Variants in COL2A1 observed in about 807,000 individuals in gnomAD.
The protein encoded by COL2A1 is collagen alpha-1(II) chain.
In COL2A1, 28 loss-of-function variants were observed where a neutral mutation model predicts 204.5. The ratio of observed to expected loss-of-function variants is 0.14; its 90% CI spans 0.10 to 0.19. The LOEUF (loss-of-function observed/expected upper bound fraction) is 0.19, where lower values mean the gene tolerates loss of function less well. Among genes scored for constraint, COL2A1 ranks in the 10% least tolerant of loss-of-function variants. The pLI is 1.00. For missense variants in COL2A1, 1,388 were observed against 2,027.5 expected (o/e 0.68, Z 6.06); for synonymous variants, 708 against 718.7 (o/e 0.99, Z 0.24).
Position 47,974,650 on chromosome 12 carries a change from T to C in COL2A1, c.4074+25A>G, listed in dbSNP as rs1307356128. ...GAGTTTGAGGAGCCATCTCTGCTCA[T>C]CATCTAGGGCACCCAGGTACTCACA... On this transcript the variant is annotated intron_variant, in intron 52 of 53. Transcript: ENST00000380518. The C allele has an allele frequency of 2.5e-6, 4 of 1,612,738 alleles. No homozygotes were observed. The African/African-American group carries it at 4.0e-5, about 16-fold the overall frequency.
chr12:47,978,549 A>G lies in COL2A1; in HGVS notation c.2895+48T>C, dbSNP rs1938857994. ...TGCTCTGTGAGCTCAGAAGCCACTCACGACCCTGCTCCCAGGGACCTTGGC... is the reference window on the plus strand; with the variant it reads ...TGCTCTGTGAGCTCAGAAGCCACTCGCGACCCTGCTCCCAGGGACCTTGGC... On this transcript the variant is annotated intron_variant, in intron 42 of 53. Coordinates refer to ENST00000380518, the MANE Select transcript of COL2A1 (RefSeq NM_001844.5). This position sits in a 1 kb window ranked among gnomAD's most constrained non-coding sequence, Gnocchi z 5.5. 2 of 1,611,612 alleles carry G rather than the reference A, an allele frequency of 1.2e-6. No homozygotes were observed. The highest frequency in any genetic ancestry group is 1.7e-5 in the Admixed American group (1 of 59,896).
In COL2A1 at chr12:47,985,891, A is replaced by G. The variant is rs753920368; in HGVS notation, c.1581+21T>C. ...CCTCAGCGATGCAGGGAGGGACCCC[A>G]GCCCCTCTTCTCCCACTCACCTTGG... On this transcript the variant is annotated intron_variant, in intron 24 of 53. Transcript: ENST00000380518. 6 of 1,558,696 alleles carry G rather than the reference A, an allele frequency of 3.8e-6. No homozygotes were observed. The Admixed American group carries it at 1.1e-4, about 30-fold the overall frequency.
In COL2A1 at chr12:47,987,088, T is replaced by G. The variant is rs751554148; in HGVS notation, c.1355A>C (p.Lys452Thr). Residue 452 changes from lysine to threonine, a missense_variant, in exon 21 of 54, where the codon AAA (lysine) becomes ACA (threonine). Lys to Thr is a moderately conservative substitution (Grantham distance 78). Coordinates refer to ENST00000380518, the MANE Select transcript of COL2A1 (RefSeq NM_001844.5). The surrounding 1 kb of genome is among the most constrained non-coding windows in gnomAD (Gnocchi z 4.1). ...ACTTTGGGCTCTTACCGTCTGACCTTTCGGGCCCAGAGGACCAGTTGCACC... is the reference window on the plus strand; with the variant it reads ...ACTTTGGGCTCTTACCGTCTGACCTGTCGGGCCCAGAGGACCAGTTGCACC... ...PQGATGPLGP[K>T]GQTGEPGIAG... 1 of 1,614,042 alleles carries G rather than the reference T, an allele frequency of 6.2e-7. No individual in the cohort carries two copies. The highest frequency in any genetic ancestry group is 8.5e-7 in the Non-Finnish European group (1 of 1,179,984).
At chr12:47,981,092 G>A in intron 37 of COL2A1, 124 bp from the exon 38 acceptor site, 2 of 1,068,286 alleles carry the variant, frequency 1.9e-6, no homozygotes, top group Non-Finnish European at 2.7e-6. Flanking sequence ...TCTGAAAGCA[G>A]CCTTAGTCCT....
chr12:48,004,224 G>A lies in COL2A1; in HGVS notation c.85+13C>T. 1 of 1,537,448 alleles carries A rather than the reference G, an allele frequency of 6.5e-7. No homozygotes were observed. Among genetic ancestry groups the A allele is most frequent in the Non-Finnish European group, 8.8e-7 (1 of 1,134,760 alleles). On this transcript the variant is annotated intron_variant, in intron 1 of 53. Transcript: ENST00000380518. ...GAAAGCAGGCAGGCAGGCAGGGGCG[G>A]GGGAAGACTTACGGACATCCTGGCC...
At chr12:47,983,243 T>C in intron 31 of COL2A1, 106 bp from the exon 32 acceptor site, 1 of 1,500,184 alleles carries the variant, frequency 6.7e-7, no homozygotes, top group East Asian at 2.4e-5. Flanking sequence ...GGGGATTGTG[T>C]CATCTGTGGA....
At position 47,986,013 on chromosome 12, in the gene COL2A1, C is replaced by A. The variant is rs939124143; in HGVS notation, c.1528-48G>T. The A allele has an allele frequency of 2.0e-6, 3 of 1,536,378 alleles. No individual in the cohort carries two copies. The African/African-American group carries it at 4.1e-5, about 21-fold the overall frequency. Reference sequence around the variant, plus strand: ...GGCAGTGAGTGAGAACAGCCCCAACCCAGCCAGGCTCCAGTGGGTCCATCC... The same window carrying A: ...GGCAGTGAGTGAGAACAGCCCCAACACAGCCAGGCTCCAGTGGGTCCATCC... On this transcript the variant is annotated intron_variant, in intron 23 of 53. Coordinates refer to ENST00000380518, the MANE Select transcript of COL2A1 (RefSeq NM_001844.5).
chr12:47,996,049 G>T, intron 8 of COL2A1, 130 bp from the exon 9 acceptor site: 1 of 731,880 alleles, frequency 1.4e-6, no homozygotes, highest in Non-Finnish European at 2.4e-6. Context: ...GGCCTAGAGT[G>T]GCTGCTCCCT....
chr12:47,984,745 G>T, intron 27 of COL2A1, 146 bp from the exon 28 acceptor site: 1 of 830,990 alleles, frequency 1.2e-6, no homozygotes, highest in South Asian at 1.4e-5. Context: ...TTCTGTTCAG[G>T]GGCCATAATG....
rs199807767 is a variant in COL2A1 at position 47,995,235 on chromosome 12, G to T, written c.762+20C>A. The stretch of plus-strand genomic sequence containing the variant: ...TTTCAAAGGAGGCAGCTCCTCATTT[G>T]TCTACTCGTGTATACTCACATCATC... On this transcript the variant is annotated intron_variant, in intron 11 of 53. Coordinates refer to ENST00000380518, the MANE Select transcript of COL2A1 (RefSeq NM_001844.5). The T allele has an allele frequency of 1.1e-4, 182 of 1,607,872 alleles. 1 individual carries two copies. In the East Asian group the frequency reaches 2.5e-3, roughly 22 times the overall value.
At position 47,977,420 on chromosome 12, in the gene COL2A1, C is replaced by T. The variant is rs774603840; in HGVS notation, c.3173G>A (p.Arg1058His). The T allele has an allele frequency of 1.6e-5, 26 of 1,612,502 alleles. No individual in the cohort carries two copies. Among genetic ancestry groups the T allele is most frequent in the Middle Eastern group, 1.6e-4 (1 of 6,084 alleles). ...RDGAAGVKGD[R>H]GETGAVGAPG... ...AGCTCCCACAGCACCAGTCTCACCACGATCACCCTGTCAGGAGAGAGGTCT... is the reference window on the plus strand; with the variant it reads ...AGCTCCCACAGCACCAGTCTCACCATGATCACCCTGTCAGGAGAGAGGTCT... Residue 1058 changes from arginine to histidine, a missense_variant, in exon 46 of 54, where the codon CGT (arginine) becomes CAT (histidine). Arg to His is a conservative substitution (Grantham distance 29, BLOSUM62 0). Coordinates refer to ENST00000380518, the MANE Select transcript of COL2A1 (RefSeq NM_001844.5).
At chr12:47,994,384 G>C (rs745829863) in intron 12 of COL2A1, 40 bp downstream of exon 12, 1 of 1,611,430 alleles carries the variant, frequency 6.2e-7, no homozygotes, top group Non-Finnish European at 8.5e-7. Flanking sequence ...GGAGGGAGAC[G>C]CTAGGAAAGA....
In COL2A1 at chr12:47,980,047, T is replaced by C. The variant is rs1370767780; in HGVS notation, c.2641A>G (p.Thr881Ala). 1 of 1,555,080 alleles carries C rather than the reference T, an allele frequency of 6.4e-7. No individual in the cohort carries two copies. The highest frequency in any genetic ancestry group is 8.7e-7 in the Non-Finnish European group (1 of 1,149,300). The change falls in exon 40 of 54, where the codon ACT (threonine) becomes GCT (alanine). Residue 881 changes from threonine to alanine, a missense_variant. By Grantham distance (58) the Thr-to-Ala change is moderately conservative. Transcript: ENST00000380518. The surrounding 1 kb of genome is among the most constrained non-coding windows in gnomAD (Gnocchi z 4.5). Reference protein sequence around the residue: ...APGPQGPTGVTGPKGARGAQG... With the variant: ...APGPQGPTGVAGPKGARGAQG... The stretch of plus-strand genomic sequence containing the variant: ...GCACCTCGGGCTCCTTTAGGACCAG[T>C]CACTCCAGTAGGACCCTGGAAAGGA...
rs916625019 is a variant in COL2A1 at position 47,975,215 on chromosome 12, C to G, written c.3886+102G>C. The G allele has an allele frequency of 4.1e-6, 6 of 1,450,404 alleles. No individual in the cohort carries two copies. The African/African-American group carries it at 8.4e-5, about 20-fold the overall frequency. 89.8% of individuals were successfully genotyped at this position (1,450,404 alleles called of 1,614,324 possible). A position where few individuals can be genotyped will look rare whatever the true frequency, so the allele number is the denominator to read the frequency against. On this transcript the variant is annotated intron_variant, in intron 51 of 53. Coordinates refer to ENST00000380518, the MANE Select transcript of COL2A1 (RefSeq NM_001844.5). Reference sequence around the variant, plus strand: ...GAACCCTCTGGCGGAAACTTCCAGGCCCAGCTCTGCCCTGTACTAGGGGGC... The same window carrying G: ...GAACCCTCTGGCGGAAACTTCCAGGGCCAGCTCTGCCCTGTACTAGGGGGC...
chr12:47,986,963 A>G, intron 21 of COL2A1, 75 bp from the exon 22 acceptor site: 2 of 1,598,222 alleles, frequency 1.3e-6, no homozygotes. Flanking sequence ...CCTGTTCAAG[A>G]TGCCCTCGGA....
chr12:47,973,531 T>C lies in COL2A1; in HGVS notation c.4340A>G (p.Lys1447Arg), dbSNP rs1443585376. 1 of 1,614,142 alleles carries C rather than the reference T, an allele frequency of 6.2e-7. No homozygotes were observed. The highest frequency in any genetic ancestry group is 1.6e-4 in the Middle Eastern group (1 of 6,062). ...GCTKHTGKWG[K>R]TVIEYRSQKT... Reference sequence around the variant, plus strand: ...CTGTGACCGGTACTCGATAACAGTCTTGCCCCACTTACCGGTATGTTTCTA... The same window carrying C: ...CTGTGACCGGTACTCGATAACAGTCCTGCCCCACTTACCGGTATGTTTCTA... The change falls in exon 54 of 54, where the codon AAG becomes AGG. Residue 1447 changes from lysine to arginine, a missense_variant. Around this residue, in one of 3 missense-constraint regions of COL2A1, gnomAD observed 303 missense variants for 369.2 expected, o/e 0.82. Transcript: ENST00000380518.
chr12:47,984,304 G>A (rs957180031), intron 28 of COL2A1, among the ~76,000 whole-genome samples, 164 bp from the exon 29 acceptor site: 9 of 152,136 alleles, frequency 5.9e-5, no homozygotes, highest in South Asian at 2.1e-4. Flanking sequence ...CCCAGGCCCC[G>A]TCTTTTCTTA....
rs372919701 is a variant in COL2A1 at position 47,975,930 on chromosome 12, C to A, written c.3597+33G>T. 2.6e-6 allele frequency: 4 copies of A among 1,531,556 alleles called. No homozygotes were observed. In the South Asian group the frequency reaches 4.5e-5, roughly 17 times the overall value. The allele number at this position is 1,531,556 out of a possible 1,614,324, so 94.9% of individuals were successfully genotyped here. On this transcript the variant is annotated intron_variant, in intron 50 of 53. Coordinates refer to ENST00000380518, the MANE Select transcript of COL2A1 (RefSeq NM_001844.5). Reference sequence around the variant, plus strand: ...TCAAGCCTCCCGGATGGTAGGGACACCTCGACAGCAGGGAAGGAGTCAGGA... The same window carrying A: ...TCAAGCCTCCCGGATGGTAGGGACAACTCGACAGCAGGGAAGGAGTCAGGA...
chr12:47,989,531 C>T (rs1368864611), intron 17 of COL2A1, among the ~76,000 whole-genome samples: 1 of 152,206 alleles, frequency 6.6e-6, no homozygotes, highest in African/African-American at 2.4e-5. Context: ...GACCTCCCTC[C>T]TCTAAAAAGA....
Sources: allele counts gnomAD v4.1 joint callset (sites outside exome capture counted in the v4.1 genomes callset), GRCh38; gene constraint gnomAD v4.1.1; regional missense constraint gnomAD v4.1.1; non-coding constraint Gnocchi (gnomAD v3.1); transcripts MANE v1.5; gene names NCBI Gene and HGNC (gene_info 2026-07-23, HGNC 2026-07-21).